SZT2: variants seen among roughly 807,000 people sequenced by gnomAD.
SZT2 encodes the protein KICSTOR complex protein SZT2.
SZT2 carries 216 observed loss-of-function variants against 404.2 expected under a neutral mutation model. The ratio of observed to expected loss-of-function variants is 0.53; its 90% CI spans 0.48 to 0.60. SZT2 has a LOEUF of 0.60. Among genes scored for constraint, SZT2 ranks in the 20% least tolerant of loss-of-function variants. The pLI is 0.00. For missense variants in SZT2, 3,857 were observed against 4,459.2 expected (o/e 0.86, Z 3.85); for synonymous variants, 1,693 against 1,749.9 (o/e 0.97, Z 0.81).
At chr1:43,445,008 C>G (rs1284601837) in intron 62 of SZT2, among the ~76,000 whole-genome samples, 3 of 152,182 alleles carry the variant, frequency 2.0e-5, no homozygotes, top group African/African-American at 7.2e-5. Flanking sequence ...GTGCCTGCCC[C>G]TCCTGTGATC....
intron 2 of SZT2, 65 bp downstream of exon 2, chr1:43,403,367 G>A: frequency 6.4e-7 from 1 of 1,566,424 alleles, no homozygotes. Flanking sequence ...TTAGGAGAGT[G>A]CTAGAAACAG....
chr1:43,428,386 G>A lies in SZT2; in HGVS notation c.4066G>A (p.Ala1356Thr), dbSNP rs1464611611. The change falls in exon 28 of 72, where the codon GCA (alanine) becomes ACA (threonine). Residue 1356 changes from alanine to threonine, a missense_variant. Physicochemically the swap from Ala to Thr is moderately conservative, Grantham distance 58. Coordinates refer to ENST00000634258, the MANE Select transcript of SZT2 (RefSeq NM_001365999.1). ...LCGHTWGLPH[A>T]PPSPGPLSPG... ...TGGCCACACTTGGGGTTTGCCTCAT[G>A]CACCCCCAAGTCCTGGTCCTCTCAG... 1.9e-6 allele frequency: 3 copies of A among 1,614,052 alleles called. No homozygotes were observed. The highest frequency in any genetic ancestry group is 1.3e-5 in the African/African-American group (1 of 74,922).
Position 43,452,177 on chromosome 1 carries a change from A to G in SZT2, c.*1697A>G, listed in dbSNP as rs746181342. ...CTCCGCACACCCACAGAGACATGTA[A>G]GTACGTGTGTGTTTCCACCTTTCTC... On this transcript the variant is annotated 3_prime_UTR_variant, in exon 72 of 72. Coordinates refer to ENST00000634258, the MANE Select transcript of SZT2 (RefSeq NM_001365999.1). 1 of 1,566,722 alleles carries G rather than the reference A, an allele frequency of 6.4e-7. No individual in the cohort carries two copies.
At chr1:43,413,041 G>C (rs2494997) in intron 4 of SZT2, among the ~76,000 whole-genome samples, 98,875 of 152,044 alleles carry the variant, frequency 0.65, 32,314 homozygotes, top group African/African-American at 0.68. Flanking sequence ...AAAAGGTAAC[G>C]TTGTGCACTC....
At chr1:43,410,665 C>G (rs1174578166) in intron 4 of SZT2, 1 of 150,532 alleles carries the variant, frequency 6.6e-6, no homozygotes, top group Admixed American at 6.6e-5. Flanking sequence ...GCAAAGATTT[C>G]TTTTCTGTGT....
At position 43,427,907 on chromosome 1, in the gene SZT2, G is replaced by T. The variant is rs578069220; in HGVS notation, c.3804-96G>T. 16 of 1,311,550 alleles carry T rather than the reference G, an allele frequency of 1.2e-5. No individual in the cohort carries two copies. The East Asian group carries it at 3.5e-4, about 28-fold the overall frequency. The allele number at this position is 1,311,550 out of a possible 1,614,324, so 81.2% of individuals were successfully genotyped here. On this transcript the variant is annotated intron_variant, in intron 26 of 71. Coordinates refer to ENST00000634258, the MANE Select transcript of SZT2 (RefSeq NM_001365999.1). ...GCTAGGCCATGAATACACTTGATAT[G>T]TGTCTATAGATGATCCATTGGAGTG...
chr1:43,394,115 C>A, intron 1 of SZT2: 2 of 981,918 alleles, frequency 2.0e-6, no homozygotes, highest in Non-Finnish European at 2.4e-6. Flanking sequence ...AGTGTGGATG[C>A]TCTGAGAACT....
chr1:43,430,568 A>G lies in SZT2; in HGVS notation c.4553A>G (p.Glu1518Gly). ...GAGGTAGAATACCGGGAGAGCCGTG[A>G]ATCAGACCTGGGGCCTGCTGGGCTA... ...ELEVEYRESR[E>G]SDLGPAGLDS... is the part of the protein sequence containing the mutation. Residue 1518 changes from glutamate (E) to glycine (G), a missense_variant, in exon 32 of 72, where the codon GAA becomes GGA. Around this residue, in one of 7 missense-constraint regions of SZT2, gnomAD observed 1,725 missense variants for 1,881.0 expected, o/e 0.92. Transcript: ENST00000634258. 2 of 1,614,174 alleles carry G rather than the reference A, an allele frequency of 1.2e-6. No individual in the cohort carries two copies. Among genetic ancestry groups the G allele is most frequent in the Non-Finnish European group, 1.7e-6 (2 of 1,180,032 alleles).
rs199597111 is a variant in SZT2, at chr1:43,451,874, G to A, written c.*1394G>A. The A allele has an allele frequency of 1.9e-5, 31 of 1,614,050 alleles. No individual in the cohort carries two copies. Among genetic ancestry groups the A allele is most frequent in the Admixed American group, 1.2e-4 (7 of 60,012 alleles). The stretch of plus-strand genomic sequence containing the variant: ...TGTAAGAGAAGCCAGGGAGGGGACC[G>A]TGAGCCTCAAGAGCACAGGAATCAA... On this transcript the variant is annotated 3_prime_UTR_variant, in exon 72 of 72. Transcript: ENST00000634258.
Position 43,415,131 on chromosome 1 carries a change from T to C in SZT2, c.548T>C (p.Leu183Pro). 2 of 1,598,140 alleles carry C rather than the reference T, an allele frequency of 1.3e-6. No individual in the cohort carries two copies. Among genetic ancestry groups the C allele is most frequent in the Non-Finnish European group, 1.7e-6 (2 of 1,179,598 alleles). ...GACCCTTCCCAGCGGGAGGTGTTCC[T>C]GCAGCAGATATATGAGCAGCTCTGC... ...LLDPSQREVF[L>P]QQIYEQLCLF... The change falls in exon 5 of 72, where the codon CTG (leucine) becomes CCG (proline). Residue 183 changes from leucine to proline, a missense_variant. Physicochemically the swap from Leu to Pro is moderately conservative, Grantham distance 98. Transcript: ENST00000634258.
intron 42 of SZT2, chr1:43,436,937 T>G (rs1654517219): frequency 3.5e-6 from 2 of 565,914 alleles, no homozygotes; most frequent in Admixed American, 3.3e-5. Context: ...CATTAGCTCC[T>G]TCTCTAAGTC....
intron 40 of SZT2, 88 bp downstream of exon 40, chr1:43,433,278 G>T: frequency 6.9e-7 from 1 of 1,440,512 alleles, no homozygotes; most frequent in Non-Finnish European, 9.5e-7. Context: ...GTTGTTAGAA[G>T]TAAGACTTGG....
Position 43,439,014 on chromosome 1 carries a change from C to T in SZT2, c.6713C>T (p.Ala2238Val), listed in dbSNP as rs1377927820. 6.2e-7 allele frequency: 1 copy of T among 1,614,226 alleles called. No individual in the cohort carries two copies. Among genetic ancestry groups the T allele is most frequent in the Admixed American group, 1.7e-5 (1 of 60,036 alleles). Residue 2238 changes from alanine (A) to valine (V), a missense_variant, in exon 48 of 72, where the codon GCA becomes GTA. By Grantham distance (64) the Ala-to-Val change is moderately conservative. Coordinates refer to ENST00000634258, the MANE Select transcript of SZT2 (RefSeq NM_001365999.1). This position sits in a 1 kb window ranked among gnomAD's most constrained non-coding sequence, Gnocchi z 4.2. The part of the protein sequence containing the change: ...TSCRPWLPAL[A>V]WYLRQNLLIF... ...TGCAGGCCCTGGCTTCCAGCCCTGG[C>T]ATGGTACCTACGGCAGAACTTGCTC...
rs531018454 is a variant in SZT2, at chr1:43,450,968, T to C, written c.*488T>C. On this transcript the variant is annotated 3_prime_UTR_variant, in exon 72 of 72. Coordinates refer to ENST00000634258, the MANE Select transcript of SZT2 (RefSeq NM_001365999.1). The surrounding 1 kb of genome is among the most constrained non-coding windows in gnomAD (Gnocchi z 4.3). Reference sequence around the variant, plus strand: ...AATCCCAGCTCTGCCTTTGAAGCACTTGTGGCCACCGTCAAGTCCCTTTGC... The same window carrying C: ...AATCCCAGCTCTGCCTTTGAAGCACCTGTGGCCACCGTCAAGTCCCTTTGC... 1.3e-6 allele frequency: 1 copy of C among 762,668 alleles called. No homozygotes were observed. Among genetic ancestry groups the C allele is most frequent in the South Asian group, 1.4e-5 (1 of 73,764 alleles). The allele number at this position is 762,668 out of a possible 1,614,324, so 47.2% of individuals were successfully genotyped here. A position where few individuals can be genotyped will look rare whatever the true frequency, so the allele number is the denominator to read the frequency against.
In SZT2 at chr1:43,442,658, G is replaced by T; in HGVS notation, c.8151+40G>T. ...GGTTCTTCCTATAGTTTTGGCTACTGAGGGGTCAGTTAAAGGAAAAACCAG... is the reference window on the plus strand; with the variant it reads ...GGTTCTTCCTATAGTTTTGGCTACTTAGGGGTCAGTTAAAGGAAAAACCAG... On this transcript the variant is annotated intron_variant, in intron 58 of 71. Coordinates refer to ENST00000634258, the MANE Select transcript of SZT2 (RefSeq NM_001365999.1). This position sits in a 1 kb window ranked among gnomAD's most constrained non-coding sequence, Gnocchi z 4.5. The T allele has an allele frequency of 6.4e-7, 1 of 1,557,142 alleles. No individual in the cohort carries two copies. Among genetic ancestry groups the T allele is most frequent in the South Asian group, 1.2e-5 (1 of 83,104 alleles).
Position 43,431,716 on chromosome 1 carries a change from A to G in SZT2, c.5089A>G (p.Ile1697Val), listed in dbSNP as rs1222815739. The G allele has an allele frequency of 1.2e-6, 2 of 1,614,088 alleles. No individual in the cohort carries two copies. The highest frequency in any genetic ancestry group is 1.7e-6 in the Non-Finnish European group (2 of 1,179,966). The stretch of plus-strand genomic sequence containing the variant: ...TTTGTCACTTGCTGTCTAACTGTAG[A>G]TCCGCTGGTTGTTGGAAGATGAGAT... ...RLAIETTMNE[I>V]RWLLEDEMVG... is the part of the protein sequence containing the mutation. Residue 1697 changes from isoleucine to valine, a missense_variant and splice_region_variant, in exon 36 of 72, where the codon ATC becomes GTC. This residue lies in a region of SZT2 where 1,725 missense variants were observed against 1,881.0 expected (regional missense o/e 0.92). Transcript: ENST00000634258.
At position 43,399,563 on chromosome 1, in the gene SZT2, G is replaced by A. The variant is rs576476673; in HGVS notation, c.28-3614G>A. 2.7e-5 allele frequency among the ~76,000 whole-genome samples: 4 copies of A among 149,214 alleles called. No homozygotes were observed. In the East Asian group the frequency reaches 6.0e-4, roughly 22 times the overall value. On this transcript the variant is annotated intron_variant, in intron 1 of 71. Transcript: ENST00000634258. ...TGCAAGCTCCGCCTCCCGGGTTCAC[G>A]CCATTCTCCTGCGTCAGCCTCCTGA...
intron 4 of SZT2, among the ~76,000 whole-genome samples, chr1:43,409,197 T>C (rs563506634): frequency 1.4e-4 from 22 of 152,314 alleles, no homozygotes; most frequent in Non-Finnish European, 2.6e-4. Context: ...AAGACACAGA[T>C]GTAAACCTTC....
At position 43,452,352 on chromosome 1, in the gene SZT2, C is replaced by G. The variant is rs1340998316; in HGVS notation, c.*1872C>G. The G allele has an allele frequency of 1.3e-6, 2 of 1,541,736 alleles. No homozygotes were observed. Among genetic ancestry groups the G allele is most frequent in the Non-Finnish European group, 1.8e-6 (2 of 1,118,306 alleles). On this transcript the variant is annotated 3_prime_UTR_variant, in exon 72 of 72. Transcript: ENST00000634258. ...GAAGATGGACTGGAGGCCTTGCCTC[C>G]CTTGGCTCTCTCTGCACCTCTTCCA...
Sources: allele counts gnomAD v4.1 joint callset (sites outside exome capture counted in the v4.1 genomes callset), GRCh38; gene constraint gnomAD v4.1.1; regional missense constraint gnomAD v4.1.1; non-coding constraint Gnocchi (gnomAD v3.1); transcripts MANE v1.5; gene names NCBI Gene and HGNC (gene_info 2026-07-23, HGNC 2026-07-21).